CNTNAP2: variants seen among roughly 807,000 people sequenced by gnomAD.
The protein encoded by CNTNAP2 is contactin associated protein 2.
CNTNAP2 carries 98 observed loss-of-function variants against 155.2 expected under a neutral mutation model. The observed-to-expected ratio is 0.63, with a 90% CI of 0.54 to 0.75. CNTNAP2 has a LOEUF of 0.75. CNTNAP2 is among the 30% of genes least tolerant of loss of function. The probability of loss-of-function intolerance (pLI) is 0.00; values close to 1 mark genes in which losing one functional copy is unlikely to be tolerated. For synonymous variants in CNTNAP2, 651 were observed against 631.2 expected (o/e 1.03, Z -0.47); for missense variants, 1,727 against 1,688.1 (o/e 1.02, Z -0.40).
At chr7:148,308,375 A>G (rs1256702792) in intron 21 of CNTNAP2, among the ~76,000 whole-genome samples, 2 of 152,082 alleles carry the variant, frequency 1.3e-5, no homozygotes, top group African/African-American at 4.8e-5. Context: ...CTGTATTCTC[A>G]ACAACTACAG....
intron 10 of CNTNAP2, among the ~76,000 whole-genome samples, chr7:147,415,183 C>A (rs1181632474): frequency 6.6e-6 from 1 of 152,122 alleles, no homozygotes; most frequent in Non-Finnish European, 1.5e-5. Context: ...GCTGACACCT[C>A]TTTCAGAGCT....
At chr7:146,143,294 C>A (rs189088387) in intron 1 of CNTNAP2, among the ~76,000 whole-genome samples, 11 of 152,282 alleles carry the variant, frequency 7.2e-5, no homozygotes, top group Admixed American at 3.3e-4. Context: ...CTGAAACTCA[C>A]CTTCTTCTGA....
In CNTNAP2 at chr7:146,858,370, A is replaced by G. The variant is rs867926120; in HGVS notation, c.402+18466A>G. Among the ~76,000 whole-genome samples the G allele has an allele frequency of 2.0e-5, 3 of 152,330 alleles. 1 individual carries two copies. Among genetic ancestry groups the G allele is most frequent in the African/African-American group, 4.8e-5 (2 of 41,580 alleles). ...GTCTAGTTTCCCTGCCAACACTGAC[A>G]TTCTTGCATTCATCCTAAGGTAAAC... On this transcript the variant is annotated intron_variant, in intron 3 of 23. Transcript: ENST00000361727.
intron 15 of CNTNAP2, among the ~76,000 whole-genome samples, chr7:148,028,282 C>T (rs1343931940): frequency 6.6e-6 from 1 of 152,174 alleles, no homozygotes; most frequent in Non-Finnish European, 1.5e-5. Flanking sequence ...CAAATTCATG[C>T]TCTCCAAAGG....
At chr7:147,072,996 G>T (rs1426922047) in intron 4 of CNTNAP2, among the ~76,000 whole-genome samples, 4 of 151,022 alleles carry the variant, frequency 2.6e-5, no homozygotes, top group African/African-American at 9.7e-5. Context: ...GGGACTACAG[G>T]CACCCGCCAC....
chr7:146,460,171 A>C (rs1796615759), intron 1 of CNTNAP2, among the ~76,000 whole-genome samples: 1 of 152,204 alleles, frequency 6.6e-6, no homozygotes, highest in East Asian at 1.9e-4. Flanking sequence ...TTAATATACA[A>C]ATTTTGAAAT....
chr7:148,263,703 C>T (rs1425512961), intron 20 of CNTNAP2, among the ~76,000 whole-genome samples: 2 of 149,548 alleles, frequency 1.3e-5, no homozygotes, highest in African/African-American at 5.0e-5. Context: ...TGCCTCTGCA[C>T]TCCAGCCTGG....
At chr7:146,172,032 ATTTTTTTTTTTTTTTT>A (rs61619996) in intron 1 of CNTNAP2, among the ~76,000 whole-genome samples, 1 of 67,612 alleles carries the variant, frequency 1.5e-5, no homozygotes, top group Non-Finnish European at 2.9e-5. Flanking sequence ...TGCTCTTAGT[ATTTTTTTTTTTTTTTT>A]TTTTTTTTGC....
intron 11 of CNTNAP2, among the ~76,000 whole-genome samples, chr7:147,533,023 C>G (rs1028271955): frequency 3.9e-5 from 6 of 152,012 alleles, no homozygotes; most frequent in Admixed American, 2.0e-4. Context: ...CCATTTATTT[C>G]TCATAAGAAC....
At chr7:148,295,599 C>A (rs970883715) in intron 21 of CNTNAP2, among the ~76,000 whole-genome samples, 1 of 138,968 alleles carries the variant, frequency 7.2e-6, no homozygotes, top group African/African-American at 2.8e-5. Flanking sequence ...TCACCCCATT[C>A]TCCTGCCTCA....
chr7:146,931,269 A>T (rs1317873958), intron 3 of CNTNAP2, among the ~76,000 whole-genome samples: 11 of 152,214 alleles, frequency 7.2e-5, no homozygotes, highest in Non-Finnish European at 1.3e-4. Context: ...ACCAGAAATC[A>T]GGATTAAGAA....
At chr7:148,061,340 C>T (rs564087048) in intron 15 of CNTNAP2, among the ~76,000 whole-genome samples, 1 of 151,966 alleles carries the variant, frequency 6.6e-6, no homozygotes, top group African/African-American at 2.4e-5. Context: ...TCCAAAGTGC[C>T]CACTTTTTAA....
intron 1 of CNTNAP2, among the ~76,000 whole-genome samples, chr7:146,652,989 A>G (rs993848207): frequency 6.6e-6 from 1 of 152,168 alleles, no homozygotes; most frequent in South Asian, 2.1e-4. Context: ...AGCAGGGCTT[A>G]GTATTCACAG....
intron 1 of CNTNAP2, chr7:146,311,660 A>G (rs548780234): frequency 2.0e-5 from 3 of 149,664 alleles, no homozygotes; most frequent in African/African-American, 7.4e-5. Flanking sequence ...AAAGAAAGCA[A>G]AGAAAGAAAG....
chr7:147,287,335 T>C (rs976635786), intron 8 of CNTNAP2, among the ~76,000 whole-genome samples: 18 of 151,874 alleles, frequency 1.2e-4, no homozygotes, highest in South Asian at 2.1e-4. Context: ...TAATTAGATA[T>C]GGAAAATCAG....
At chr7:147,958,979 C>T (rs886125028) in intron 14 of CNTNAP2, among the ~76,000 whole-genome samples, 3 of 152,194 alleles carry the variant, frequency 2.0e-5, no homozygotes, top group African/African-American at 4.8e-5. Flanking sequence ...AAGGACCACA[C>T]TGAACATAAC....
intron 21 of CNTNAP2, among the ~76,000 whole-genome samples, chr7:148,321,946 G>T (rs1196869244): frequency 2.0e-5 from 3 of 149,714 alleles, no homozygotes; most frequent in Non-Finnish European, 3.0e-5. Context: ...ACCCAGGCTA[G>T]AGTGTGGAGT....
At chr7:146,840,642 G>C (rs1284843203) in intron 3 of CNTNAP2, among the ~76,000 whole-genome samples, 1 of 152,080 alleles carries the variant, frequency 6.6e-6, no homozygotes, top group Non-Finnish European at 1.5e-5. Flanking sequence ...TGAAAGGGAA[G>C]GGGGAAAAGA....
chr7:148,411,266 T>C (rs185667747), intron 23 of CNTNAP2, among the ~76,000 whole-genome samples: 1 of 152,278 alleles, frequency 6.6e-6, no homozygotes, highest in African/African-American at 2.4e-5. Flanking sequence ...GTAACTTTTA[T>C]TTATTATTAT....
Sources: gnomAD v4.1 joint callset for allele counts (sites outside exome capture counted in the v4.1 genomes callset) on GRCh38, gnomAD v4.1.1 for gene constraint, MANE v1.5 for transcripts, NCBI Gene and HGNC (gene_info 2026-07-23, HGNC 2026-07-21) for gene names.